FGF10: variants seen among roughly 807,000 people sequenced by gnomAD.
FGF10 encodes the protein FGF-10.
Under a neutral mutation model 19.8 loss-of-function variants are expected in FGF10, and 2 were observed. That is an observed-to-expected ratio of 0.10 (90% CI 0.04 to 0.32). The LOEUF (loss-of-function observed/expected upper bound fraction) is 0.32. Among genes scored for constraint, FGF10 ranks in the 10% least tolerant of loss-of-function variants. The pLI, the probability that FGF10 is intolerant of heterozygous loss-of-function variation, is 1.00. For synonymous variants in FGF10, 112 were observed against 94.0 expected, an observed-to-expected ratio of 1.19 and a Z score of -1.10; for missense variants, 191 against 246.3, an observed-to-expected ratio of 0.78 and a Z score of 1.50.
intron 1 of FGF10, among the ~76,000 whole-genome samples, chr5:44,330,807 G>A (rs948157905): frequency 1.3e-5 from 2 of 152,104 alleles, no homozygotes; most frequent in Non-Finnish European, 2.9e-5. Flanking sequence ...TTAGAAAAAT[G>A]TCAAAATTAC....
At chr5:44,344,149 A>G (rs1741030874) in intron 1 of FGF10, among the ~76,000 whole-genome samples, 1 of 151,902 alleles carries the variant, frequency 6.6e-6, no homozygotes, top group African/African-American at 2.4e-5. Context: ...GCAAGCAAAG[A>G]GACGTCCATA....
chr5:44,354,821 C>T (rs1392534926), intron 1 of FGF10, among the ~76,000 whole-genome samples: 1 of 151,520 alleles, frequency 6.6e-6, no homozygotes, highest in Non-Finnish European at 1.5e-5. Flanking sequence ...CTCTCCAAGA[C>T]ACATGTAATA....
At chr5:44,330,573 C>T (rs1740709826) in intron 1 of FGF10, among the ~76,000 whole-genome samples, 1 of 152,090 alleles carries the variant, frequency 6.6e-6, no homozygotes, top group African/African-American at 2.4e-5. Context: ...TAATTGAGAG[C>T]TATTCTTTTA....
At chr5:44,356,702 T>G (rs917608885) in intron 1 of FGF10, among the ~76,000 whole-genome samples, 2 of 151,420 alleles carry the variant, frequency 1.3e-5, no homozygotes. Context: ...AGTCAGACTC[T>G]TCTAGTGAAA....
chr5:44,382,536 G>C (rs1424613255), intron 1 of FGF10, among the ~76,000 whole-genome samples: 1 of 152,084 alleles, frequency 6.6e-6, no homozygotes, highest in Non-Finnish European at 1.5e-5. Flanking sequence ...TTGTTGTACT[G>C]ACTGACTGAC....
At chr5:44,314,634 C>CAT (rs1215834973) in intron 1 of FGF10, among the ~76,000 whole-genome samples, 3 of 151,920 alleles carry the variant, frequency 2.0e-5, no homozygotes, top group South Asian at 4.1e-4. Context: ...TTTTAATACT[C>CAT]ATATATATAA....
chr5:44,386,890 A>T (rs1019281204), intron 1 of FGF10, among the ~76,000 whole-genome samples: 2 of 152,234 alleles, frequency 1.3e-5, no homozygotes, highest in Admixed American at 1.3e-4. Flanking sequence ...GTATTCAAAA[A>T]TAAAATGCTA....
At chr5:44,353,366 A>G (rs1432456871) in intron 1 of FGF10, among the ~76,000 whole-genome samples, 1 of 151,224 alleles carries the variant, frequency 6.6e-6, no homozygotes, top group Non-Finnish European at 1.5e-5. Context: ...TTTTTTCTTT[A>G]CATTTCAATA....
chr5:44,358,788 A>G (rs1458954720), intron 1 of FGF10, among the ~76,000 whole-genome samples: 1 of 151,520 alleles, frequency 6.6e-6, no homozygotes, highest in Non-Finnish European at 1.5e-5. Flanking sequence ...CATGTGGTGC[A>G]TATTACCTCC....
chr5:44,309,966 C>T (rs886816526), intron 2 of FGF10, among the ~76,000 whole-genome samples: 2 of 151,980 alleles, frequency 1.3e-5, no homozygotes, highest in African/African-American at 2.4e-5. Flanking sequence ...GAACAACAAG[C>T]AAAATGGTGT....
chr5:44,326,063 A>C (rs1052972080), intron 1 of FGF10, among the ~76,000 whole-genome samples: 2 of 152,172 alleles, frequency 1.3e-5, no homozygotes, highest in Non-Finnish European at 2.9e-5. Context: ...AATAAAACTT[A>C]ACCAAAACAG....
In FGF10 at chr5:44,330,474, A is replaced by T. The variant is rs191743458; in HGVS notation, c.326-19944T>A. ...TTGGCATTAACTACCTTAAAACATTAAGATATCACCAGCAATTTGCCTCTG... is the reference window on the plus strand; with the variant it reads ...TTGGCATTAACTACCTTAAAACATTTAGATATCACCAGCAATTTGCCTCTG... On this transcript the variant is annotated intron_variant, in intron 1 of 2. Transcript: ENST00000264664. Among the ~76,000 whole-genome samples the T allele has an allele frequency of 1.9e-3, 295 of 152,344 alleles. 2 individuals are homozygous for T. The highest frequency in any genetic ancestry group is 3.4e-3 in the Non-Finnish European group (228 of 68,036).
intron 1 of FGF10, among the ~76,000 whole-genome samples, chr5:44,354,305 A>C (rs1479063255): frequency 2.0e-5 from 3 of 151,502 alleles, no homozygotes; most frequent in African/African-American, 4.8e-5. Context: ...TATTATAATT[A>C]ATGGCATTTC....
intron 1 of FGF10, among the ~76,000 whole-genome samples, chr5:44,311,156 C>T (rs1740200302): frequency 6.6e-6 from 1 of 151,816 alleles, no homozygotes; most frequent in South Asian, 2.1e-4. Context: ...GGGGAAAATC[C>T]ATAAACATGG....
At chr5:44,360,875 C>A (rs984663602) in intron 1 of FGF10, among the ~76,000 whole-genome samples, 3 of 151,664 alleles carry the variant, frequency 2.0e-5, no homozygotes, top group Non-Finnish European at 4.4e-5. Context: ...ACTACTTTAT[C>A]GACCAAATAT....
At chr5:44,344,603 T>TGTGTGTGTGTGTG (rs58735673) in intron 1 of FGF10, among the ~76,000 whole-genome samples, 42 of 149,292 alleles carry the variant, frequency 2.8e-4, no homozygotes, top group South Asian at 4.2e-4. Context: ...TGTGTGTGTG[T>TGTGTGTGTGTGTG]TAAACCAACT....
At chr5:44,305,794 T>A (rs1740063636) in intron 2 of FGF10, among the ~76,000 whole-genome samples, 1 of 152,184 alleles carries the variant, frequency 6.6e-6, no homozygotes, top group Non-Finnish European at 1.5e-5. Flanking sequence ...ATTCTATAGC[T>A]TGGAATTTTG....
Position 44,360,210 on chromosome 5 carries a change from G to A in FGF10, c.325+28148C>T, listed in dbSNP as rs115863742. Among the ~76,000 whole-genome samples, 471 of 151,668 alleles carry A rather than the reference G, an allele frequency of 3.1e-3. 3 individuals are homozygous for A. The highest frequency in any genetic ancestry group is 4.3e-3 in the Non-Finnish European group (293 of 67,708). On this transcript the variant is annotated intron_variant, in intron 1 of 2. Transcript: ENST00000264664. ...TTCATCATGCCACTGTAAAATGACA[G>A]CTTAATCACATCAGAAGAATCTTTA...
At chr5:44,378,538 T>C (rs1741916782) in intron 1 of FGF10, among the ~76,000 whole-genome samples, 1 of 152,072 alleles carries the variant, frequency 6.6e-6, no homozygotes, top group Admixed American at 6.6e-5. Context: ...TTCACACCAT[T>C]CTCCTGCCTC....
Sources: gnomAD v4.1 joint callset for allele counts (sites outside exome capture counted in the v4.1 genomes callset) on GRCh38, gnomAD v4.1.1 for gene constraint, MANE v1.5 for transcripts, NCBI Gene and HGNC (gene_info 2026-07-23, HGNC 2026-07-21) for gene names.